Variants in DLGAP1 observed in about 807,000 individuals in gnomAD.
DLGAP1 encodes DLG associated protein 1.
DLGAP1 carries 11 observed loss-of-function variants against 90.8 expected under a neutral mutation model. The observed-to-expected ratio is 0.12, with a 90% CI of 0.08 to 0.20. DLGAP1 has a LOEUF of 0.20. DLGAP1 is among the 10% of genes least tolerant of loss of function. The pLI, the probability that DLGAP1 is intolerant of heterozygous loss-of-function variation, is 1.00. For missense variants in DLGAP1, 1,050 were observed against 1,333.8 expected (o/e 0.79, Z 3.31); for synonymous variants, 558 against 540.7 (o/e 1.03, Z -0.44).
chr18:4,104,952 G>A (rs1195273211), intron 2 of DLGAP1, among the ~76,000 whole-genome samples: 1 of 152,162 alleles, frequency 6.6e-6, no homozygotes, highest in South Asian at 2.1e-4. Context: ...AACAGACAAT[G>A]GAAATGCCTA....
intron 1 of DLGAP1, among the ~76,000 whole-genome samples, chr18:4,195,516 G>A (rs891140976): frequency 2.6e-5 from 4 of 151,984 alleles, no homozygotes; most frequent in African/African-American, 4.8e-5. Context: ...TTCAACTATC[G>A]GGTGTTATTG....
intron 1 of DLGAP1, among the ~76,000 whole-genome samples, chr18:4,176,702 T>C (rs983756772): frequency 5.9e-5 from 9 of 152,246 alleles, no homozygotes; most frequent in African/African-American, 2.2e-4. Context: ...TGGTCATTTA[T>C]GTCAACTTGG....
At chr18:3,739,027 G>A (rs2062782233) in intron 6 of DLGAP1, among the ~76,000 whole-genome samples, 1 of 149,838 alleles carries the variant, frequency 6.7e-6, no homozygotes, top group African/African-American at 2.5e-5. Context: ...ATGAAAAAAT[G>A]CTCATCATCA....
intron 6 of DLGAP1, among the ~76,000 whole-genome samples, chr18:3,732,554 G>T (rs1311212796): frequency 6.6e-6 from 1 of 151,942 alleles, no homozygotes; most frequent in African/African-American, 2.4e-5. Context: ...ATATGTAATC[G>T]ATTTTTAAAA....
intron 1 of DLGAP1, among the ~76,000 whole-genome samples, chr18:4,313,593 A>G (rs2080454533): frequency 6.6e-6 from 1 of 152,208 alleles, no homozygotes; most frequent in South Asian, 2.1e-4. Context: ...ACAATGAACA[A>G]ATGCAGGACA....
intron 2 of DLGAP1, among the ~76,000 whole-genome samples, chr18:4,134,851 C>T (rs1037028039): frequency 5.3e-5 from 8 of 152,028 alleles, no homozygotes; most frequent in Non-Finnish European, 8.8e-5. Context: ...TGCACCAACA[C>T]GCTGTATTTG....
intron 2 of DLGAP1, among the ~76,000 whole-genome samples, chr18:4,031,233 A>G (rs2074791092): frequency 6.6e-6 from 1 of 152,124 alleles, no homozygotes; most frequent in Non-Finnish European, 1.5e-5. Context: ...GATATACGAA[A>G]TTATGTGTTG....
intron 4 of DLGAP1, among the ~76,000 whole-genome samples, chr18:3,816,059 TG>T (rs1267008646): frequency 1.1e-4 from 16 of 152,194 alleles, no homozygotes; most frequent in African/African-American, 3.9e-4. Flanking sequence ...TAAAATAACA[TG>T]GTACTTCATT....
intron 1 of DLGAP1, among the ~76,000 whole-genome samples, chr18:4,159,246 T>C (rs2076805949): frequency 6.6e-6 from 1 of 152,210 alleles, no homozygotes; most frequent in Admixed American, 6.5e-5. Flanking sequence ...AGTGTGAAAC[T>C]GATCGGCTTA....
At chr18:4,301,933 A>G (rs1885050450) in intron 1 of DLGAP1, among the ~76,000 whole-genome samples, 1 of 152,038 alleles carries the variant, frequency 6.6e-6, no homozygotes, top group South Asian at 2.1e-4. Flanking sequence ...CATTTGCATG[A>G]CTTCTTTTGA....
Position 3,885,120 on chromosome 18 carries a change from G to C in DLGAP1, c.-72-4980C>G, listed in dbSNP as rs149106417. On this transcript the variant is annotated intron_variant, in intron 3 of 12. Transcript: ENST00000315677. ...GGCAATGGGTAGACAATTGCTGGTG[G>C]CACCTACTATGGAGGTCCTGCTCTT... 3.3e-3 allele frequency among the ~76,000 whole-genome samples: 508 copies of C among 152,278 alleles called. 4 individuals are homozygous for C. Among genetic ancestry groups the C allele is most frequent in the African/African-American group, 0.011 (472 of 41,554 alleles).
intron 10 of DLGAP1, among the ~76,000 whole-genome samples, chr18:3,530,735 G>A (rs1041978468): frequency 7.2e-5 from 11 of 152,164 alleles, no homozygotes; most frequent in African/African-American, 2.7e-4. Context: ...TTGTGCTTGG[G>A]GGTCAACACT....
chr18:3,913,735 T>C (rs2072084163), intron 3 of DLGAP1, among the ~76,000 whole-genome samples: 1 of 152,238 alleles, frequency 6.6e-6, no homozygotes, highest in African/African-American at 2.4e-5. Flanking sequence ...TATCTTTCTA[T>C]GTATGAATAT....
intron 1 of DLGAP1, among the ~76,000 whole-genome samples, chr18:4,340,937 TTATA>T (rs1056862839): frequency 4.3e-4 from 61 of 142,208 alleles, no homozygotes; most frequent in African/African-American, 1.6e-3. Context: ...TTTACAAAAA[TTATA>T]TAAGGAAAAT....
chr18:3,970,473 C>T (rs966492848), intron 3 of DLGAP1, among the ~76,000 whole-genome samples: 8 of 152,172 alleles, frequency 5.3e-5, no homozygotes, highest in African/African-American at 1.9e-4. Flanking sequence ...CTCAAATACA[C>T]TGTCAAAAGC....
intron 3 of DLGAP1, among the ~76,000 whole-genome samples, chr18:3,920,129 G>A (rs1005225687): frequency 1.3e-5 from 2 of 152,102 alleles, no homozygotes; most frequent in African/African-American, 4.8e-5. Flanking sequence ...GATCACTTGA[G>A]GTCAGGAGTT....
chr18:4,395,342 G>A (rs1310211976), intron 1 of DLGAP1, among the ~76,000 whole-genome samples: 5 of 151,580 alleles, frequency 3.3e-5, no homozygotes, highest in Non-Finnish European at 7.4e-5. Context: ...GCTTTTCTCT[G>A]GGTCAAAAAA....
chr18:4,135,630 A>C (rs1489837419), intron 2 of DLGAP1, among the ~76,000 whole-genome samples: 1 of 151,928 alleles, frequency 6.6e-6, no homozygotes, highest in Non-Finnish European at 1.5e-5. Flanking sequence ...ACTGGTAACC[A>C]TTGTTCTACT....
intron 2 of DLGAP1, among the ~76,000 whole-genome samples, chr18:4,082,255 T>A (rs2075618987): frequency 6.6e-6 from 1 of 150,768 alleles, no homozygotes; most frequent in Admixed American, 6.6e-5. Flanking sequence ...GGCAGGAGAA[T>A]TCCTTGAACC....
Sources: gnomAD v4.1 joint callset for allele counts (sites outside exome capture counted in the v4.1 genomes callset) on GRCh38, gnomAD v4.1.1 for gene constraint, MANE v1.5 for transcripts, NCBI Gene and HGNC (gene_info 2026-07-23, HGNC 2026-07-21) for gene names.